The following EPHA7 variants were observed in gnomAD, a reference collection of about 807,000 sequenced individuals.
EPHA7 encodes EPH receptor A7.
In EPHA7, 25 loss-of-function variants were observed where a neutral mutation model predicts 112.6. The ratio of observed to expected loss-of-function variants is 0.22; its 90% CI spans 0.16 to 0.31. The LOEUF (loss-of-function observed/expected upper bound fraction) is 0.31, where lower values mean the gene tolerates loss of function less well. EPHA7 is among the 10% of genes least tolerant of loss of function. The pLI, the probability that EPHA7 is intolerant of heterozygous loss-of-function variation, is 1.00. For synonymous variants in EPHA7, 437 were observed against 406.5 expected, an observed-to-expected ratio of 1.07 and a Z score of -0.90; for missense variants, 962 against 1,212.6, an observed-to-expected ratio of 0.79 and a Z score of 3.07.
chr6:93,418,693 C>T (rs1779370820), intron 1 of EPHA7, among the ~76,000 whole-genome samples: 1 of 152,210 alleles, frequency 6.6e-6, no homozygotes, highest in Non-Finnish European at 1.5e-5. Context: ...GACCGCGCCG[C>T]CGCCTCCGAC....
At chr6:93,263,593 G>A (rs957013130) in intron 9 of EPHA7, among the ~76,000 whole-genome samples, 2 of 151,220 alleles carry the variant, frequency 1.3e-5, no homozygotes, top group African/African-American at 4.8e-5. Context: ...GAAACACTTG[G>A]GCAAAGTTTG....
chr6:93,382,725 T>C (rs1349791007), intron 3 of EPHA7, among the ~76,000 whole-genome samples: 1 of 152,154 alleles, frequency 6.6e-6, no homozygotes, highest in Non-Finnish European at 1.5e-5. Context: ...ACTCGCTCCA[T>C]GTGGGTGTCC....
intron 3 of EPHA7, among the ~76,000 whole-genome samples, chr6:93,372,147 G>C (rs1245567226): frequency 6.6e-6 from 1 of 152,014 alleles, no homozygotes; most frequent in Non-Finnish European, 1.5e-5. Flanking sequence ...ATATTACTTA[G>C]GAATAATCAA....
In EPHA7 at chr6:93,241,124, G is replaced by C. The variant is rs1455096830; in HGVS notation, c.*2302C>G. ...AAGACTACTCAACTATAAATCTAGT[G>C]CTAGAAAAAAGCAGGAAAGACACCG... is the stretch of plus-strand genomic sequence containing the variant. On this transcript the variant is annotated 3_prime_UTR_variant, in exon 17 of 17. Coordinates refer to ENST00000369303, the MANE Select transcript of EPHA7 (RefSeq NM_004440.4). The C allele has an allele frequency of 4.9e-6, 1 of 204,368 alleles. No homozygotes were observed. Among genetic ancestry groups the C allele is most frequent in the African/African-American group, 2.3e-5 (1 of 43,796 alleles). 12.7% of individuals were successfully genotyped at this position (204,368 alleles called of 1,614,324 possible).
At chr6:93,341,594 T>C (rs533182857) in intron 5 of EPHA7, among the ~76,000 whole-genome samples, 2 of 152,000 alleles carry the variant, frequency 1.3e-5, no homozygotes, top group African/African-American at 4.8e-5. Context: ...TGTAAATGTT[T>C]CTAATTTTAT....
chr6:93,380,228 G>A (rs185543887), intron 3 of EPHA7, among the ~76,000 whole-genome samples: 230 of 152,090 alleles, frequency 1.5e-3, no homozygotes, highest in African/African-American at 4.3e-3. Context: ...TAATTCCTGC[G>A]CTCCAGTTCT....
At chr6:93,341,982 G>C (rs1775161396) in intron 5 of EPHA7, among the ~76,000 whole-genome samples, 1 of 151,764 alleles carries the variant, frequency 6.6e-6, no homozygotes, top group Non-Finnish European at 1.5e-5. Context: ...CCTGCCTGGT[G>C]AAAAAGGCCC....
intron 3 of EPHA7, among the ~76,000 whole-genome samples, chr6:93,400,680 GAC>G (rs910916800): frequency 6.6e-6 from 1 of 151,954 alleles, no homozygotes. Context: ...TAAGACTACA[GAC>G]ACACACCACT....
At chr6:93,270,834 G>A (rs1460035356) in intron 6 of EPHA7, among the ~76,000 whole-genome samples, 2 of 151,688 alleles carry the variant, frequency 1.3e-5, no homozygotes, top group African/African-American at 2.4e-5. Context: ...CAAACATCAC[G>A]CATGCGTGCA....
chr6:93,297,418 C>T (rs551059300), intron 5 of EPHA7, among the ~76,000 whole-genome samples: 2 of 152,188 alleles, frequency 1.3e-5, no homozygotes, highest in South Asian at 4.1e-4. Flanking sequence ...TATTTTTAAA[C>T]CAAAGTTCTT....
At chr6:93,257,991 C>A (rs1770513995) in intron 11 of EPHA7, 108 bp downstream of exon 11, 2 of 1,080,850 alleles carry the variant, frequency 1.9e-6, no homozygotes, top group Non-Finnish European at 2.7e-6. Flanking sequence ...AAAACACATT[C>A]ATTTAGACTG....
intron 3 of EPHA7, among the ~76,000 whole-genome samples, chr6:93,397,821 T>C (rs1778254516): frequency 6.6e-6 from 1 of 151,954 alleles, no homozygotes; most frequent in Admixed American, 6.6e-5. Context: ...CACTACAAAG[T>C]GGTTTTTAAA....
intron 14 of EPHA7, among the ~76,000 whole-genome samples, chr6:93,252,610 C>T (rs1017174416): frequency 1.3e-5 from 2 of 151,878 alleles, no homozygotes; most frequent in East Asian, 3.9e-4. Context: ...TCTGATTTTT[C>T]TCCATTTGCA....
intron 5 of EPHA7, among the ~76,000 whole-genome samples, chr6:93,343,728 A>G (rs1775253956): frequency 6.6e-6 from 1 of 151,628 alleles, no homozygotes; most frequent in Non-Finnish European, 1.5e-5. Context: ...TATAATTAAG[A>G]TCCATTCATC....
Position 93,411,177 on chromosome 6 carries a change from A to G in EPHA7, c.163-7T>C. ...AACCACTAATTTCTTCCCACTGTAA[A>G]ATTTGAAAAAAGGTCATCAGTCATT... On this transcript the variant is annotated splice_polypyrimidine_tract_variant and splice_region_variant and intron_variant, in intron 2 of 16. Transcript: ENST00000369303. The G allele has an allele frequency of 1.3e-6, 2 of 1,597,386 alleles. No homozygotes were observed. Among genetic ancestry groups the G allele is most frequent in the South Asian group, 2.2e-5 (2 of 89,454 alleles).
Position 93,335,438 on chromosome 6 carries a change from T to C in EPHA7, c.1324+21279A>G, listed in dbSNP as rs529118079. On this transcript the variant is annotated intron_variant, in intron 5 of 16. Coordinates refer to ENST00000369303, the MANE Select transcript of EPHA7 (RefSeq NM_004440.4). ...AATTTTACAGTTTCATTGGTATTTA[T>C]ATTATAATTCCAAAGGATTTGTTAA... Among the ~76,000 whole-genome samples, 40 of 152,200 alleles carry C rather than the reference T, an allele frequency of 2.6e-4. 1 individual carries two copies. The East Asian group carries it at 7.0e-3, about 26-fold the overall frequency.
intron 5 of EPHA7, among the ~76,000 whole-genome samples, chr6:93,319,372 G>C (rs1163134096): frequency 2.0e-5 from 3 of 152,030 alleles, no homozygotes. Context: ...AAGGGAGCAG[G>C]AACAGCTAGA....
intron 5 of EPHA7, among the ~76,000 whole-genome samples, chr6:93,339,138 T>C (rs1775020537): frequency 6.6e-6 from 1 of 151,612 alleles, no homozygotes; most frequent in African/African-American, 2.4e-5. Flanking sequence ...AAAATAAGTT[T>C]TTAATTTATT....
intron 5 of EPHA7, among the ~76,000 whole-genome samples, chr6:93,317,428 T>A (rs1773865532): frequency 6.6e-6 from 1 of 152,156 alleles, no homozygotes; most frequent in Admixed American, 6.5e-5. Context: ...AACACACTTC[T>A]ATAGGACCCA....
Sources: gnomAD v4.1 joint callset for allele counts (sites outside exome capture counted in the v4.1 genomes callset) on GRCh38, gnomAD v4.1.1 for gene constraint, MANE v1.5 for transcripts, NCBI Gene and HGNC (gene_info 2026-07-23, HGNC 2026-07-21) for gene names.